STIM2: variants seen among roughly 807,000 people sequenced by gnomAD.
The protein encoded by STIM2 is stromal interaction molecule 2.
A neutral mutation model predicts 85.8 loss-of-function variants in STIM2; 31 were observed. The ratio of observed to expected loss-of-function variants is 0.36; its 90% CI spans 0.27 to 0.49. The LOEUF (loss-of-function observed/expected upper bound fraction) is 0.49, where lower values mean the gene tolerates loss of function less well. STIM2 is among the 20% of genes least tolerant of loss of function. STIM2 has a pLI of 0.98. For missense variants in STIM2, 841 were observed against 927.6 expected (o/e 0.91, Z 1.21); for synonymous variants, 356 against 331.1 (o/e 1.08, Z -0.82).
intron 10 of STIM2, among the ~76,000 whole-genome samples, chr4:27,010,359 G>A (rs141839616): frequency 1.1e-3 from 163 of 152,222 alleles, no homozygotes; most frequent in African/African-American, 3.7e-3. Context: ...CAGGAGAAAC[G>A]CTTGAACCCT....
At chr4:26,974,185 T>C (rs1727090585) in intron 3 of STIM2, among the ~76,000 whole-genome samples, 1 of 152,240 alleles carries the variant, frequency 6.6e-6, no homozygotes, top group African/African-American at 2.4e-5. Flanking sequence ...TGACTCTTTA[T>C]CCAATTTGCC....
intron 2 of STIM2, among the ~76,000 whole-genome samples, chr4:26,947,932 A>G (rs2109086351): frequency 6.6e-6 from 1 of 152,352 alleles, no homozygotes; most frequent in East Asian, 1.9e-4. Context: ...TGGCAAAAAT[A>G]TATATACAGG....
At chr4:26,904,871 A>G (rs1445006707) in intron 1 of STIM2, among the ~76,000 whole-genome samples, 5 of 151,826 alleles carry the variant, frequency 3.3e-5, no homozygotes, top group Admixed American at 1.3e-4. Context: ...CTGGAGTGAT[A>G]CCCTTGAGGG....
intron 3 of STIM2, among the ~76,000 whole-genome samples, chr4:26,992,951 G>T (rs943086737): frequency 2.0e-5 from 3 of 152,100 alleles, no homozygotes; most frequent in Non-Finnish European, 2.9e-5. Context: ...GATTTGGGCA[G>T]TTTTAATATG....
At chr4:26,918,655 C>T (rs1194723209) in intron 1 of STIM2, among the ~76,000 whole-genome samples, 1 of 152,144 alleles carries the variant, frequency 6.6e-6, no homozygotes, top group African/African-American at 2.4e-5. Context: ...GTCAGCCAGA[C>T]TGGGTATAAG....
At chr4:26,868,316 A>G (rs1364125303) in intron 1 of STIM2, among the ~76,000 whole-genome samples, 3 of 152,114 alleles carry the variant, frequency 2.0e-5, no homozygotes, top group Admixed American at 1.3e-4. Flanking sequence ...TTGTGTGCTT[A>G]TGGATCTTGA....
chr4:26,928,605 C>T (rs1331537740), intron 2 of STIM2, among the ~76,000 whole-genome samples: 2 of 152,074 alleles, frequency 1.3e-5, no homozygotes, highest in African/African-American at 2.4e-5. Context: ...AAAGCCTGGT[C>T]TCTAGCAATA....
Position 26,951,193 on chromosome 4 carries a change from T to G in STIM2, c.283-6419T>G, listed in dbSNP as rs1380723682. Reference sequence around the variant, plus strand: ...AACTCTTGAACTTTTTATACAGTTATCTGAGCGTTACTATAGAATAAATTC... The same window carrying G: ...AACTCTTGAACTTTTTATACAGTTAGCTGAGCGTTACTATAGAATAAATTC... On this transcript the variant is annotated intron_variant, in intron 2 of 11. Coordinates refer to ENST00000467087, the MANE Select transcript of STIM2 (RefSeq NM_020860.4). Among the ~76,000 whole-genome samples the G allele has an allele frequency of 5.3e-5, 8 of 152,204 alleles. No individual in the cohort carries two copies. The East Asian group carries it at 1.5e-3, about 29-fold the overall frequency.
At chr4:26,875,336 C>G (rs1485965358) in intron 1 of STIM2, among the ~76,000 whole-genome samples, 3 of 152,042 alleles carry the variant, frequency 2.0e-5, no homozygotes, top group African/African-American at 7.2e-5. Flanking sequence ...TATGAATAAT[C>G]TATGATGAGT....
At chr4:26,937,718 A>C (rs116342076) in intron 2 of STIM2, among the ~76,000 whole-genome samples, 49 of 152,294 alleles carry the variant, frequency 3.2e-4, no homozygotes, top group African/African-American at 1.1e-3. Flanking sequence ...GTCCTAAGCA[A>C]ATGGGCCATA....
intron 2 of STIM2, among the ~76,000 whole-genome samples, chr4:26,923,034 C>T (rs1013287741): frequency 9.2e-5 from 14 of 151,770 alleles, no homozygotes; most frequent in African/African-American, 1.5e-4. Flanking sequence ...GATCTGAGAA[C>T]GGGCAGACTG....
chr4:27,002,883 C>T, intron 6 of STIM2, 44 bp from the exon 7 acceptor site: 3 of 1,438,290 alleles, frequency 2.1e-6, no homozygotes, highest in Non-Finnish European at 2.7e-6. Context: ...AAAAATAAAA[C>T]TGGAAATTTT....
chr4:27,005,148 A>ATT (rs1344400994), intron 7 of STIM2, among the ~76,000 whole-genome samples: 1 of 152,266 alleles, frequency 6.6e-6, no homozygotes, highest in Non-Finnish European at 1.5e-5. Context: ...AGTTCAAGGA[A>ATT]TTACTGTATT....
chr4:26,963,337 T>C (rs888662822), intron 3 of STIM2, among the ~76,000 whole-genome samples: 6 of 152,188 alleles, frequency 3.9e-5, no homozygotes, highest in Admixed American at 2.6e-4. Flanking sequence ...TAAATGTTGA[T>C]AAAATCCACC....
At chr4:26,920,947 G>A (rs1298538636) in intron 2 of STIM2, among the ~76,000 whole-genome samples, 1 of 152,180 alleles carries the variant, frequency 6.6e-6, no homozygotes, top group East Asian at 1.9e-4. Context: ...CAAGATATGG[G>A]TTGAAATGTG....
At chr4:26,944,643 A>G (rs564143158) in intron 2 of STIM2, among the ~76,000 whole-genome samples, 1 of 152,302 alleles carries the variant, frequency 6.6e-6, no homozygotes, top group South Asian at 2.1e-4. Context: ...AGTATTGTAA[A>G]AGTTTATTTT....
chr4:26,953,953 G>A (rs1272785911), intron 2 of STIM2, among the ~76,000 whole-genome samples: 3 of 152,038 alleles, frequency 2.0e-5, no homozygotes, highest in African/African-American at 7.2e-5. Flanking sequence ...TCTCCTCTAG[G>A]TGAGGTGTCT....
chr4:27,002,923 TA>T lies in STIM2; in HGVS notation c.804-2del. 1 of 1,546,786 alleles carries T rather than the reference TA, an allele frequency of 6.5e-7. No homozygotes were observed. The highest frequency in any genetic ancestry group is 1.4e-5 in the African/African-American group (1 of 70,522). On this transcript the variant is annotated splice_region_variant and splice_polypyrimidine_tract_variant and intron_variant, in intron 6 of 11. Coordinates refer to ENST00000467087, the MANE Select transcript of STIM2 (RefSeq NM_020860.4). Reference sequence around the variant, plus strand: ...AGGAATTTTTATTTTTATTGTTCTATAAGGCTTGAAAAGGCACAGGAAGAAA... The same window carrying T: ...AGGAATTTTTATTTTTATTGTTCTATAGGCTTGAAAAGGCACAGGAAGAAA...
At chr4:26,874,595 A>C (rs575219222) in intron 1 of STIM2, among the ~76,000 whole-genome samples, 1 of 152,216 alleles carries the variant, frequency 6.6e-6, no homozygotes, top group Non-Finnish European at 1.5e-5. Context: ...GGATAATTTC[A>C]TATCTTTTCG....
Sources: gnomAD v4.1 joint callset for allele counts (sites outside exome capture counted in the v4.1 genomes callset) on GRCh38, gnomAD v4.1.1 for gene constraint, MANE v1.5 for transcripts, NCBI Gene and HGNC (gene_info 2026-07-23, HGNC 2026-07-21) for gene names.